The following ANO3 variants were observed in gnomAD, a reference collection of about 807,000 sequenced individuals.
The protein encoded by ANO3 is anoctamin 3, also known as anoctamin-3.
ANO3 carries 99 observed loss-of-function variants against 144.8 expected under a neutral mutation model. That is an observed-to-expected ratio of 0.68 (90% CI 0.58 to 0.81). ANO3 has a LOEUF of 0.81. Ranked by LOEUF, ANO3 falls within the 30% of genes least tolerant of loss-of-function variation. ANO3 has a pLI of 0.00. For missense variants in ANO3, 905 were observed against 1,202.2 expected (o/e 0.75, Z 3.66); for synonymous variants, 414 against 392.6 (o/e 1.05, Z -0.64).
intron 3 of ANO3, among the ~76,000 whole-genome samples, chr11:26,446,430 A>G (rs1565029483): frequency 6.6e-6 from 1 of 152,210 alleles, no homozygotes; most frequent in East Asian, 1.9e-4. Flanking sequence ...CTGCCCCATG[A>G]GAATATTAAT....
chr11:26,615,490 C>T (rs117563498), intron 17 of ANO3, among the ~76,000 whole-genome samples: 1,736 of 150,894 alleles, frequency 0.012, 23 homozygotes, highest in Non-Finnish European at 0.017. Context: ...CAGAAATTTC[C>T]TACTTGACCT....
intron 4 of ANO3, among the ~76,000 whole-genome samples, chr11:26,501,891 T>C (rs1861210613): frequency 6.6e-6 from 1 of 152,072 alleles, no homozygotes; most frequent in Admixed American, 6.6e-5. Context: ...TGTGAGAGGG[T>C]GGTATAAAGA....
intron 1 of ANO3, among the ~76,000 whole-genome samples, chr11:26,218,719 C>T (rs35258770): frequency 0.3 from 46,004 of 151,982 alleles, 7,705 homozygotes; most frequent in Non-Finnish European, 0.37. Flanking sequence ...AGTGGAGCTC[C>T]AGGCTATTAA....
intron 14 of ANO3, chr11:26,563,226 C>A (rs749330872): frequency 1.1e-5 from 17 of 1,610,682 alleles, no homozygotes; most frequent in Non-Finnish European, 1.4e-5. Context: ...CAGAATAGCA[C>A]CTAAAATGGC....
At chr11:26,462,920 T>C (rs972584544) in intron 3 of ANO3, 110 bp from the exon 4 acceptor site, 14 of 454,366 alleles carry the variant, frequency 3.1e-5, no homozygotes, top group Non-Finnish European at 4.7e-5. Flanking sequence ...TTTTCTAGTA[T>C]ATATATAGGC....
intron 1 of ANO3, among the ~76,000 whole-genome samples, chr11:26,204,584 C>T (rs150773278): frequency 2.0e-5 from 3 of 152,216 alleles, no homozygotes; most frequent in South Asian, 2.1e-4. Context: ...AGTTCACATG[C>T]GCATGGGTGA....
chr11:26,587,014 C>G (rs1851306165), intron 14 of ANO3, among the ~76,000 whole-genome samples: 1 of 152,140 alleles, frequency 6.6e-6, no homozygotes, highest in African/African-American at 2.4e-5. Context: ...CAGTTTTGAT[C>G]AAGATGGCAG....
intron 4 of ANO3, among the ~76,000 whole-genome samples, chr11:26,499,417 T>A (rs1861098798): frequency 6.6e-6 from 1 of 151,816 alleles, no homozygotes; most frequent in Admixed American, 6.6e-5. Context: ...CTAAAAATTA[T>A]TTTTTAATTT....
At chr11:26,507,929 T>G (rs1299015656) in intron 4 of ANO3, among the ~76,000 whole-genome samples, 175 bp from the exon 5 acceptor site, 1 of 152,228 alleles carries the variant, frequency 6.6e-6, no homozygotes, top group Non-Finnish European at 1.5e-5. Flanking sequence ...CTCGCTAATG[T>G]GGCTCCTATA....
At chr11:26,243,855 C>CA (rs1564931319) in intron 1 of ANO3, among the ~76,000 whole-genome samples, 1 of 152,024 alleles carries the variant, frequency 6.6e-6, no homozygotes, top group Non-Finnish European at 1.5e-5. Flanking sequence ...GGTGCGGTGT[C>CA]ACGCCTGTAA....
intron 24 of ANO3, among the ~76,000 whole-genome samples, chr11:26,654,016 A>G (rs965788795): frequency 5.9e-5 from 9 of 152,092 alleles, no homozygotes; most frequent in Middle Eastern, 3.2e-3. Flanking sequence ...TCTCCTCTTC[A>G]TTGGTCTATT....
chr11:26,423,046 G>A (rs946222439), intron 1 of ANO3, among the ~76,000 whole-genome samples: 3 of 151,960 alleles, frequency 2.0e-5, no homozygotes, highest in Admixed American at 1.3e-4. Context: ...CATCTTTAAT[G>A]TTATTTTCTC....
At chr11:26,329,053 A>C (rs1854965812), upstream of ANO3, among the ~76,000 whole-genome samples, 1 of 152,086 alleles carries the variant, frequency 6.6e-6, no homozygotes, top group Non-Finnish European at 1.5e-5. Context: ...ATGTCATTAA[A>C]ATTTGGAGAA....
At chr11:26,558,826 C>T (rs1850169916) in intron 13 of ANO3, among the ~76,000 whole-genome samples, 1 of 152,062 alleles carries the variant, frequency 6.6e-6, no homozygotes, top group Admixed American at 6.6e-5. Context: ...AGGAGGACAC[C>T]ATTCCATTCC....
intron 1 of ANO3, among the ~76,000 whole-genome samples, chr11:26,192,360 A>G (rs1344964899): frequency 1.3e-5 from 2 of 152,180 alleles, no homozygotes; most frequent in Non-Finnish European, 2.9e-5. Flanking sequence ...GTGATAGCCA[A>G]AGTAGAAGAG....
intron 14 of ANO3, among the ~76,000 whole-genome samples, chr11:26,564,706 C>T (rs1241904777): frequency 9.0e-5 from 6 of 66,680 alleles, no homozygotes; most frequent in Admixed American, 2.2e-4. Context: ...CACACACACA[C>T]ACACACACAC....
intron 9 of ANO3, among the ~76,000 whole-genome samples, chr11:26,535,720 C>G (rs1448129043): frequency 6.6e-6 from 1 of 151,320 alleles, no homozygotes; most frequent in Non-Finnish European, 1.5e-5. Flanking sequence ...GTGGCTGGAA[C>G]TACAGGCACC....
chr11:26,278,704 C>A (rs151085945), intron 1 of ANO3, among the ~76,000 whole-genome samples: 1 of 152,184 alleles, frequency 6.6e-6, no homozygotes, highest in African/African-American at 2.4e-5. Flanking sequence ...TACTAGATTT[C>A]CTAAGTTTCA....
intron 4 of ANO3, among the ~76,000 whole-genome samples, chr11:26,485,044 C>A (rs1369742603): frequency 6.6e-6 from 1 of 152,134 alleles, no homozygotes; most frequent in African/African-American, 2.4e-5. Flanking sequence ...TTTGATTTTA[C>A]AGGCTCATAG....
Sources: gnomAD v4.1 joint callset for allele counts (sites outside exome capture counted in the v4.1 genomes callset) on GRCh38, gnomAD v4.1.1 for gene constraint, MANE v1.5 for transcripts, NCBI Gene and HGNC (gene_info 2026-07-23, HGNC 2026-07-21) for gene names.